Variants in POMK observed in about 807,000 individuals in gnomAD.
POMK encodes Sugen kinase 196.
POMK carries 19 observed loss-of-function variants against 23.0 expected under a neutral mutation model. The observed-to-expected ratio is 0.83, with a 90% confidence interval of 0.58 to 1.21. POMK has a LOEUF of 1.21. Among genes scored for constraint, POMK ranks in the 50% most tolerant of loss-of-function variants. POMK has a pLI of 0.00. For synonymous variants in POMK, 173 were observed against 171.6 expected (o/e 1.01, Z -0.06); for missense variants, 410 against 431.3 (o/e 0.95, Z 0.44).
intron 2 of POMK, among the ~76,000 whole-genome samples, chr8:43,100,485 A>C (rs1202537771): frequency 6.7e-6 from 1 of 150,158 alleles, no homozygotes; most frequent in Non-Finnish European, 1.5e-5. Context: ...GTGTGTGGTG[A>C]TGGGGGTGTG....
chr8:43,119,433 C>CTTTTTTT (rs907663234), intron 4 of POMK, among the ~76,000 whole-genome samples: 3 of 95,988 alleles, frequency 3.1e-5, no homozygotes, highest in East Asian at 3.1e-4. Flanking sequence ...TGAAAAACAG[C>CTTTTTTT]TTTTTTTTTT....
intron 4 of POMK, among the ~76,000 whole-genome samples, chr8:43,114,991 A>G (rs972986800): frequency 1.3e-5 from 2 of 152,210 alleles, no homozygotes; most frequent in Admixed American, 6.5e-5. Context: ...TGTATAGTAC[A>G]TTAAAAATCC....
At chr8:43,108,401 C>A (rs1811586690) in intron 4 of POMK, among the ~76,000 whole-genome samples, 1 of 152,180 alleles carries the variant, frequency 6.6e-6, no homozygotes, top group Non-Finnish European at 1.5e-5. Flanking sequence ...ATGAAAATAA[C>A]TGTATTGCCA....
chr8:43,121,210 A>G (rs1455818746), intron 4 of POMK, among the ~76,000 whole-genome samples: 22 of 152,234 alleles, frequency 1.4e-4, no homozygotes, highest in Admixed American at 1.4e-3. Flanking sequence ...GAACAATGAC[A>G]TGGCACACTG....
At chr8:43,094,042 C>T (rs1811280551) in intron 1 of POMK, among the ~76,000 whole-genome samples, 1 of 152,270 alleles carries the variant, frequency 6.6e-6, no homozygotes, top group Admixed American at 6.5e-5. Flanking sequence ...CGCGCCACTG[C>T]ACTTCAGCCT....
intron 2 of POMK, among the ~76,000 whole-genome samples, chr8:43,098,150 A>C (rs1486375270): frequency 6.6e-6 from 1 of 152,192 alleles, no homozygotes; most frequent in African/African-American, 2.4e-5. Context: ...AAACCATAAC[A>C]TTTGACATTT....
chr8:43,122,332 C>T lies in POMK; in HGVS notation c.508C>T (p.Gln170Ter), dbSNP rs1563343215. 1.9e-6 allele frequency: 3 copies of T among 1,614,166 alleles called. No homozygotes were observed. Among genetic ancestry groups the T allele is most frequent in the Non-Finnish European group, 1.7e-6 (2 of 1,180,044 alleles). ...LEETLNLSKY[Q>*]NVNTWQHRLE... ...AGAAACACTAAACCTTTCAAAGTACCAAAATGTGAACACGTGGCAGCACAG... is the reference window on the plus strand; with the variant it reads ...AGAAACACTAAACCTTTCAAAGTACTAAAATGTGAACACGTGGCAGCACAG... The change falls in exon 5 of 5, where the codon CAA becomes TAA. Residue 170 changes from glutamine to a stop codon, truncating the protein, a stop_gained. Coordinates refer to ENST00000331373, the MANE Select transcript of POMK (RefSeq NM_032237.5). LOFTEE classifies it high-confidence loss of function.
At position 43,117,479 on chromosome 8, in the gene POMK, T is replaced by C. The variant is rs552440843; in HGVS notation, c.283-4628T>C. On this transcript the variant is annotated intron_variant, in intron 4 of 4. Coordinates refer to ENST00000331373, the MANE Select transcript of POMK (RefSeq NM_032237.5). ...GGAAAGGAAGAGGTTGGTCTTGGTATCCAAGGGGTGGTAAAGGCAGAAGAA... is the reference window on the plus strand; with the variant it reads ...GGAAAGGAAGAGGTTGGTCTTGGTACCCAAGGGGTGGTAAAGGCAGAAGAA... Among the ~76,000 whole-genome samples the C allele has an allele frequency of 8.5e-5, 13 of 152,248 alleles. No individual in the cohort carries two copies. In the East Asian group the frequency reaches 2.3e-3, roughly 27 times the overall value.
intron 4 of POMK, among the ~76,000 whole-genome samples, chr8:43,113,942 A>G (rs1338005976): frequency 6.6e-6 from 1 of 152,230 alleles, no homozygotes; most frequent in Non-Finnish European, 1.5e-5. Flanking sequence ...GTGAACCGCG[A>G]ATGCTGCTGT....
chr8:43,112,667 A>C (rs946558742), intron 4 of POMK, among the ~76,000 whole-genome samples: 2 of 152,186 alleles, frequency 1.3e-5, no homozygotes, highest in African/African-American at 4.8e-5. Flanking sequence ...CCAGAGAGAA[A>C]GGTCGGGTTA....
chr8:43,104,559 A>G (rs529422509), intron 4 of POMK, among the ~76,000 whole-genome samples: 2 of 152,362 alleles, frequency 1.3e-5, no homozygotes, highest in East Asian at 3.9e-4. Flanking sequence ...AAGAGGCAAC[A>G]TGAATAAAAC....
chr8:43,095,981 G>A (rs1035427053), intron 1 of POMK, among the ~76,000 whole-genome samples: 1 of 152,212 alleles, frequency 6.6e-6, no homozygotes. Context: ...GAGAGGAAGA[G>A]CGGATTCCGT....
At chr8:43,096,517 G>A (rs1383652216) in intron 1 of POMK, among the ~76,000 whole-genome samples, 1 of 152,028 alleles carries the variant, frequency 6.6e-6, no homozygotes, top group Non-Finnish European at 1.5e-5. Context: ...AAATTAGCTG[G>A]GCATGGTGGC....
chr8:43,112,708 C>T (rs1324863050), intron 4 of POMK, among the ~76,000 whole-genome samples: 1 of 152,170 alleles, frequency 6.6e-6, no homozygotes, highest in Non-Finnish European at 1.5e-5. Flanking sequence ...AGACTAATAG[C>T]GGATCTCTCA....
At chr8:43,121,010 G>T (rs1811907387) in intron 4 of POMK, among the ~76,000 whole-genome samples, 3 of 152,180 alleles carry the variant, frequency 2.0e-5, no homozygotes, top group Non-Finnish European at 4.4e-5. Context: ...GTTTTGTAGA[G>T]ATGGGTTCTC....
At chr8:43,120,454 C>T (rs1811889920) in intron 4 of POMK, among the ~76,000 whole-genome samples, 1 of 152,000 alleles carries the variant, frequency 6.6e-6, no homozygotes. Context: ...CTCCTGACCT[C>T]AGGTGATCTG....
chr8:43,098,873 T>C (rs538735008), intron 2 of POMK, among the ~76,000 whole-genome samples: 1 of 152,376 alleles, frequency 6.6e-6, no homozygotes, highest in South Asian at 2.1e-4. Flanking sequence ...GCATCTTTCA[T>C]GTATGTGCCT....
At chr8:43,116,012 G>T (rs369806875) in intron 4 of POMK, among the ~76,000 whole-genome samples, 3 of 152,152 alleles carry the variant, frequency 2.0e-5, no homozygotes, top group Non-Finnish European at 2.9e-5. Flanking sequence ...CCTCCTTCAC[G>T]GTCTTGCTCA....
intron 4 of POMK, among the ~76,000 whole-genome samples, chr8:43,104,041 C>T (rs1811500915): frequency 6.6e-6 from 1 of 152,148 alleles, no homozygotes; most frequent in African/African-American, 2.4e-5. Context: ...GGTTTCAGCC[C>T]TTAGGGAAGC....
Sources: allele counts gnomAD v4.1 joint callset (sites outside exome capture counted in the v4.1 genomes callset), GRCh38; gene constraint gnomAD v4.1.1; transcripts MANE v1.5; gene names NCBI Gene and HGNC (gene_info 2026-07-23, HGNC 2026-07-21).